ATP2B4: variants seen among roughly 807,000 people sequenced by gnomAD.
ATP2B4 encodes the protein plasma membrane calcium-transporting ATPase 4.
Under a neutral mutation model 110.3 loss-of-function variants are expected in ATP2B4, and 39 were observed. That is an observed-to-expected ratio of 0.35 (90% confidence interval 0.27 to 0.46). The LOEUF is 0.46. ATP2B4 is among the 20% of genes least tolerant of loss of function. The pLI, the probability that ATP2B4 is intolerant of heterozygous loss-of-function variation, is 1.00. For missense variants in ATP2B4, 1,135 were observed against 1,530.9 expected (o/e 0.74, Z 4.32); for synonymous variants, 538 against 571.7 (o/e 0.94, Z 0.84).
chr1:203,721,133 C>G (rs116451987), intron 16 of ATP2B4, 64 bp from the exon 17 acceptor site: 1 of 1,560,390 alleles, frequency 6.4e-7, no homozygotes, highest in Non-Finnish European at 8.8e-7. Context: ...GCTGGGCCAT[C>G]GACAGGGCAA....
At chr1:203,707,449 ATT>A (rs200106928) in intron 9 of ATP2B4, among the ~76,000 whole-genome samples, 1 of 144,428 alleles carries the variant, frequency 6.9e-6, no homozygotes. Flanking sequence ...GGTATCTTGG[ATT>A]TTTTTTTTTT....
intron 12 of ATP2B4, 97 bp downstream of exon 12, chr1:203,711,205 T>G: frequency 8.9e-7 from 1 of 1,129,216 alleles, no homozygotes; most frequent in East Asian, 2.4e-5. Flanking sequence ...TGCCTCTCAC[T>G]TAGAGGGATA....
At position 203,662,033 on chromosome 1, in the gene ATP2B4, CTT is replaced by C. The variant is rs374196166; in HGVS notation, c.-464-20697_-464-20696del. On this transcript the variant is annotated intron_variant, in intron 1 of 20. Coordinates refer to ENST00000357681, the MANE Select transcript of ATP2B4 (RefSeq NM_001684.5). Reference sequence around the variant, plus strand: ...AGAACATAAAATTTGCCATCTTCACCTTTTTTTTTTTTTGAGATGGAGTCTCA... The same window carrying C: ...AGAACATAAAATTTGCCATCTTCACCTTTTTTTTTTTGAGATGGAGTCTCA... 6.0e-3 allele frequency among the ~76,000 whole-genome samples: 872 copies of C among 145,156 alleles called. 9 individuals carry two copies. Among genetic ancestry groups the C allele is most frequent in the African/African-American group, 0.02 (805 of 39,896 alleles).
At chr1:203,704,235 C>T (rs1048176566) in intron 8 of ATP2B4, among the ~76,000 whole-genome samples, 1 of 152,080 alleles carries the variant, frequency 6.6e-6, no homozygotes, top group Non-Finnish European at 1.5e-5. Context: ...AAGCACAGAG[C>T]AATAAATACC....
chr1:203,723,420 A>ATATCTCTCTCTC (rs1553251094), intron 18 of ATP2B4, among the ~76,000 whole-genome samples: 5 of 44,576 alleles, frequency 1.1e-4, no homozygotes, highest in African/African-American at 4.7e-4. Context: ...TGAGACAGAT[A>ATATCTCTCTCTC]TCTCTCTCTC....
At chr1:203,681,817 C>T (rs10751450) in intron 1 of ATP2B4, among the ~76,000 whole-genome samples, 124,091 of 151,686 alleles carry the variant, frequency 0.82, 51,822 homozygotes, top group East Asian at 0.97. Flanking sequence ...CTTGCTGTGG[C>T]CCTATCCTCT....
intron 1 of ATP2B4, among the ~76,000 whole-genome samples, chr1:203,675,894 T>C (rs960678538): frequency 6.6e-6 from 1 of 152,012 alleles, no homozygotes; most frequent in Non-Finnish European, 1.5e-5. Context: ...AAGCAGAGAC[T>C]AGCAACCTGG....
chr1:203,720,836 C>T, intron 16 of ATP2B4, 96 bp downstream of exon 16: 1 of 1,383,274 alleles, frequency 7.2e-7, no homozygotes, highest in Non-Finnish European at 9.8e-7. Context: ...AGAGTAAAGA[C>T]AGCGTTTCCC....
Position 203,709,777 on chromosome 1 carries a change from C to T in ATP2B4, c.1799+235C>T, listed in dbSNP as rs201151461. On this transcript the variant is annotated intron_variant, in intron 11 of 20. Coordinates refer to ENST00000357681, the MANE Select transcript of ATP2B4 (RefSeq NM_001684.5). ...GGGTACTATGATTATCCCTGTTTTA[C>T]AGATGAGAAAACAGAGATATAAGGA... Among the ~76,000 whole-genome samples, 7 of 152,300 alleles carry T rather than the reference C, an allele frequency of 4.6e-5. No individual in the cohort carries two copies. In the East Asian group the frequency reaches 9.6e-4, roughly 21 times the overall value.
intron 9 of ATP2B4, among the ~76,000 whole-genome samples, 186 bp downstream of exon 9, chr1:203,707,409 C>A (rs984465173): frequency 1.3e-5 from 2 of 151,974 alleles, no homozygotes; most frequent in African/African-American, 4.8e-5. Context: ...TTGAAATGAC[C>A]CAGCAGAATC....
chr1:203,636,054 G>A (rs533930495), intron 1 of ATP2B4, among the ~76,000 whole-genome samples: 1 of 152,376 alleles, frequency 6.6e-6, no homozygotes, highest in Admixed American at 6.5e-5. Context: ...GAGGGAACCT[G>A]GGGACTGAGG....
chr1:203,696,065 C>T (rs942803873), intron 2 of ATP2B4, among the ~76,000 whole-genome samples: 8 of 152,154 alleles, frequency 5.3e-5, no homozygotes, highest in Non-Finnish European at 7.4e-5. Context: ...GCTGGGATTA[C>T]AGGCATGCGC....
chr1:203,630,363 CTCTCTCTTT>C (rs988867247), intron 1 of ATP2B4, among the ~76,000 whole-genome samples: 18 of 21,848 alleles, frequency 8.2e-4, no homozygotes, highest in Non-Finnish European at 2.8e-3. Context: ...CTCTCTCTCT[CTCTCTCTTT>C]TTTTTTTTTT....
At chr1:203,653,579 G>C (rs1290834676) in intron 1 of ATP2B4, among the ~76,000 whole-genome samples, 1 of 152,192 alleles carries the variant, frequency 6.6e-6, no homozygotes, top group Admixed American at 6.5e-5. Flanking sequence ...AGGGCAGCTG[G>C]TGACTTCAAG....
At chr1:203,694,425 T>C (rs1665473190) in intron 2 of ATP2B4, among the ~76,000 whole-genome samples, 1 of 152,050 alleles carries the variant, frequency 6.6e-6, no homozygotes, top group Non-Finnish European at 1.5e-5. Flanking sequence ...AAAGAAGATG[T>C]TTGTACAAAG....
At chr1:203,700,053 T>C (rs1391072394) in intron 4 of ATP2B4, among the ~76,000 whole-genome samples, 153 bp from the exon 5 acceptor site, 1 of 152,146 alleles carries the variant, frequency 6.6e-6, no homozygotes, top group African/African-American at 2.4e-5. Context: ...AGCTGAAGAC[T>C]TGTAAAGAGT....
chr1:203,723,890 G>C lies in ATP2B4; in HGVS notation c.3034G>C (p.Val1012Leu). ...LGTFICQIFI[V>L]EFGGKPFSCT... ...CCTTTCTCTGTTCTAGATTTTCATC[G>C]TGGAATTTGGGGGTAAACCCTTCAG... The change falls in exon 19 of 21, where the codon GTG (valine) becomes CTG (leucine). Residue 1012 changes from valine to leucine, a missense_variant. Physicochemically the swap from Val to Leu is conservative, Grantham distance 32. Transcript: ENST00000357681. The C allele has an allele frequency of 6.2e-7, 1 of 1,604,484 alleles. No individual in the cohort carries two copies. The highest frequency in any genetic ancestry group is 1.1e-5 in the South Asian group (1 of 89,368).
intron 8 of ATP2B4, 86 bp downstream of exon 8, chr1:203,703,899 G>T: frequency 6.8e-7 from 1 of 1,467,040 alleles, no homozygotes; most frequent in Non-Finnish European, 9.1e-7. Context: ...CACCGACCGA[G>T]ACTGGCAGAA....
At chr1:203,634,529 A>G (rs999970802) in intron 1 of ATP2B4, among the ~76,000 whole-genome samples, 27 of 152,270 alleles carry the variant, frequency 1.8e-4, no homozygotes, top group African/African-American at 5.8e-4. Context: ...AGCCTCTACT[A>G]TAATAGCTGA....
Sources: allele counts gnomAD v4.1 joint callset (sites outside exome capture counted in the v4.1 genomes callset), GRCh38; gene constraint gnomAD v4.1.1; transcripts MANE v1.5; gene names NCBI Gene and HGNC (gene_info 2026-07-23, HGNC 2026-07-21).